Variants in BICC1 observed in about 807,000 individuals in gnomAD.
BICC1 encodes the protein BicC family RNA binding protein 1.
BICC1 carries 43 observed loss-of-function variants against 111.0 expected under a neutral mutation model. That is an observed-to-expected ratio of 0.39 (90% CI 0.30 to 0.50). The LOEUF is 0.50. Among genes scored for constraint, BICC1 ranks in the 20% least tolerant of loss-of-function variants. The pLI is 0.88. For synonymous variants in BICC1, 467 were observed against 434.4 expected (o/e 1.07, Z -0.93); for missense variants, 1,091 against 1,203.2 (o/e 0.91, Z 1.38).
chr10:58,676,457 A>G (rs1413207273), intron 2 of BICC1, among the ~76,000 whole-genome samples: 1 of 152,158 alleles, frequency 6.6e-6, no homozygotes. Context: ...ATCCGCCATT[A>G]CTGAGGCTTA....
At chr10:58,543,833 T>TAA (rs11393752) in intron 1 of BICC1, among the ~76,000 whole-genome samples, 111 of 134,982 alleles carry the variant, frequency 8.2e-4, no homozygotes, top group South Asian at 3.1e-3. Context: ...TAACCATAAT[T>TAA]AAAAAAAAAA....
chr10:58,518,589 TTGGG>T lies in BICC1; in HGVS notation c.190+5257_190+5260del, dbSNP rs1564468206. 7.6e-3 allele frequency among the ~76,000 whole-genome samples: 800 copies of T among 105,666 alleles called. 39 individuals carry two copies. The highest frequency in any genetic ancestry group is 0.023 in the African/African-American group (670 of 29,654). 69.3% of individuals were successfully genotyped at this position (105,666 alleles called of 152,430 possible). A position where few individuals can be genotyped will look rare whatever the true frequency, so the allele number is the denominator to read the frequency against. Reference sequence around the variant, plus strand: ...TGTGAATCCTTTGTGTATGTGTGTGTTGGGGGGGGGGGGGTGTGTTTGATGTGTT... The same window carrying T: ...TGTGAATCCTTTGTGTATGTGTGTGTGGGGGGGGGGTGTGTTTGATGTGTT... On this transcript the variant is annotated intron_variant, in intron 1 of 20. Coordinates refer to ENST00000373886, the MANE Select transcript of BICC1 (RefSeq NM_001080512.3).
intron 4 of BICC1, among the ~76,000 whole-genome samples, chr10:58,785,390 A>G (rs911824464): frequency 3.3e-5 from 5 of 152,156 alleles, no homozygotes; most frequent in Non-Finnish European, 5.9e-5. Context: ...ATCTTCAGAA[A>G]TAGAAATTGG....
intron 3 of BICC1, among the ~76,000 whole-genome samples, chr10:58,716,706 C>T (rs1354873687): frequency 6.8e-5 from 10 of 147,220 alleles, no homozygotes; most frequent in Admixed American, 4.6e-4. Context: ...AAAACCCTTA[C>T]TCTGTAAGAT....
At chr10:58,753,427 C>T (rs1349789673) in intron 3 of BICC1, among the ~76,000 whole-genome samples, 1 of 152,126 alleles carries the variant, frequency 6.6e-6, no homozygotes, top group African/African-American at 2.4e-5. Context: ...CCTTGGTCTC[C>T]CAAAGTGCTG....
chr10:58,688,978 T>A (rs1839834907), intron 2 of BICC1, among the ~76,000 whole-genome samples: 1 of 152,112 alleles, frequency 6.6e-6, no homozygotes, highest in Admixed American at 6.5e-5. Context: ...TGTATACCTG[T>A]GTAACAAACC....
In BICC1 at chr10:58,572,055, C is replaced by T. The variant is rs551418624; in HGVS notation, c.191-48800C>T. Among the ~76,000 whole-genome samples the T allele has an allele frequency of 9.7e-4, 147 of 152,050 alleles. 1 individual carries two copies. The highest frequency in any genetic ancestry group is 3.4e-3 in the African/African-American group (141 of 41,506). ...TGACTAGTGTGAGATGATATCTCAT[C>T]GTAGTTTTGATTTGCATTTCTCTAA... On this transcript the variant is annotated intron_variant, in intron 1 of 20. Coordinates refer to ENST00000373886, the MANE Select transcript of BICC1 (RefSeq NM_001080512.3).
chr10:58,805,312 AAC>A lies in BICC1; in HGVS notation c.2182-1270_2182-1269del, dbSNP rs1843677932. On this transcript the variant is annotated intron_variant, in intron 15 of 20. Transcript: ENST00000373886. ...TGTCTAAAAAACAAACAAACAAACA[AAC>A]AAAAAAACTGCAAGTCATCGAGGCT... Among the ~76,000 whole-genome samples, 3 of 151,668 alleles carry A rather than the reference AAC, an allele frequency of 2.0e-5. 1 individual carries two copies. Among genetic ancestry groups the A allele is most frequent in the South Asian group, 4.2e-4 (2 of 4,810 alleles).
intron 8 of BICC1, among the ~76,000 whole-genome samples, chr10:58,791,687 C>A (rs1446475911): frequency 6.6e-6 from 1 of 152,062 alleles, no homozygotes; most frequent in South Asian, 2.1e-4. Flanking sequence ...TTGCGGTGAG[C>A]CGAGATCGCG....
intron 1 of BICC1, among the ~76,000 whole-genome samples, chr10:58,601,425 A>G (rs145668791): frequency 0.011 from 1,690 of 151,648 alleles, 16 homozygotes; most frequent in Middle Eastern, 0.024. Context: ...ATCTTTTCAA[A>G]TGACCTTAAA....
At chr10:58,701,380 C>T (rs990896732) in intron 2 of BICC1, among the ~76,000 whole-genome samples, 10 of 152,082 alleles carry the variant, frequency 6.6e-5, no homozygotes, top group African/African-American at 1.9e-4. Flanking sequence ...TCTTATTTAC[C>T]GTCCATTTCC....
chr10:58,595,774 A>G (rs1444902713), intron 1 of BICC1, among the ~76,000 whole-genome samples: 1 of 152,228 alleles, frequency 6.6e-6, no homozygotes, highest in African/African-American at 2.4e-5. Context: ...AAGAGCTAAA[A>G]TTGACACCCT....
At chr10:58,610,101 A>G (rs904697715) in intron 1 of BICC1, among the ~76,000 whole-genome samples, 21 of 152,232 alleles carry the variant, frequency 1.4e-4, no homozygotes, top group Non-Finnish European at 2.6e-4. Context: ...AAGTTCGAAT[A>G]AACCCTTAGC....
chr10:58,678,475 A>AC (rs1235072126), intron 2 of BICC1, among the ~76,000 whole-genome samples: 6 of 149,220 alleles, frequency 4.0e-5, no homozygotes, highest in East Asian at 2.0e-4. Context: ...AAGGGTGCAA[A>AC]AAGAGGAGCT....
At chr10:58,817,501 A>G in intron 18 of BICC1, 61 bp from the exon 19 acceptor site, 1 of 1,584,088 alleles carries the variant, frequency 6.3e-7, no homozygotes, top group South Asian at 1.1e-5. Context: ...TAAAACTTTT[A>G]ATTAAACCAT....
intron 17 of BICC1, among the ~76,000 whole-genome samples, chr10:58,807,870 G>A (rs1321835166): frequency 1.3e-5 from 2 of 152,146 alleles, no homozygotes; most frequent in Admixed American, 1.3e-4. Flanking sequence ...CTGGGAGACT[G>A]TACACACCCA....
chr10:58,779,658 AGTGACTTTTCCAAG>A (rs60360407), intron 3 of BICC1, among the ~76,000 whole-genome samples: 71,580 of 151,976 alleles, frequency 0.47, 16,999 homozygotes, highest in Admixed American at 0.58. Flanking sequence ...TGAGTGATTC[AGTGACTTTTCCAAG>A]GTGACAGAGT....
intron 3 of BICC1, among the ~76,000 whole-genome samples, chr10:58,752,376 A>G (rs1277188412): frequency 6.6e-6 from 1 of 152,190 alleles, no homozygotes; most frequent in African/African-American, 2.4e-5. Context: ...TCTCAGTAGA[A>G]GGATCTAATT....
At chr10:58,646,037 T>G (rs1231499184) in intron 2 of BICC1, among the ~76,000 whole-genome samples, 1 of 152,032 alleles carries the variant, frequency 6.6e-6, no homozygotes, top group East Asian at 1.9e-4. Context: ...CCCTTGTTTT[T>G]CTGGAATAGC....
Sources: gnomAD v4.1 joint callset for allele counts (sites outside exome capture counted in the v4.1 genomes callset) on GRCh38, gnomAD v4.1.1 for gene constraint, MANE v1.5 for transcripts, NCBI Gene and HGNC (gene_info 2026-07-23, HGNC 2026-07-21) for gene names.